Variants in FGF2 observed in about 807,000 individuals in gnomAD.
FGF2 encodes fibroblast growth factor 2.
FGF2 carries 13 observed loss-of-function variants against 15.9 expected under a neutral mutation model. The ratio of observed to expected loss-of-function variants is 0.82; its 90% CI spans 0.53 to 1.30. The LOEUF (loss-of-function observed/expected upper bound fraction) is 1.30. FGF2 is among the 50% of genes most tolerant of loss of function. The pLI, the probability that FGF2 is intolerant of heterozygous loss-of-function variation, is 0.00. For synonymous variants in FGF2, 90 were observed against 78.4 expected, an observed-to-expected ratio of 1.15 and a Z score of -0.78; for missense variants, 163 against 196.9, an observed-to-expected ratio of 0.83 and a Z score of 1.03.
intron 2 of FGF2, among the ~76,000 whole-genome samples, chr4:122,884,012 A>G (rs1030963808): frequency 8.5e-5 from 13 of 152,364 alleles, no homozygotes; most frequent in Admixed American, 5.9e-4. Context: ...TGAGAGCCCA[A>G]TTATCCAGAC....
intron 2 of FGF2, among the ~76,000 whole-genome samples, chr4:122,885,562 A>G (rs1727039310): frequency 6.6e-6 from 1 of 152,180 alleles, no homozygotes; most frequent in African/African-American, 2.4e-5. Flanking sequence ...TTACAATGGT[A>G]TTAGACTTAC....
intron 1 of FGF2, among the ~76,000 whole-genome samples, chr4:122,854,257 G>A (rs767987754): frequency 1.3e-5 from 2 of 152,134 alleles, no homozygotes; most frequent in Non-Finnish European, 2.9e-5. Context: ...GAGCATATTC[G>A]TTATTCACTG....
Position 122,876,233 on chromosome 4 carries a change from G to A in FGF2, c.179-88G>A, listed in dbSNP as rs1315046968. The A allele has an allele frequency of 1.5e-5, 12 of 817,776 alleles. No individual in the cohort carries two copies. The East Asian group carries it at 2.9e-4, about 20-fold the overall frequency. 50.7% of individuals were successfully genotyped at this position (817,776 alleles called of 1,614,324 possible). On this transcript the variant is annotated intron_variant, in intron 1 of 2. Coordinates refer to ENST00000644866, the MANE Select transcript of FGF2 (RefSeq NM_001361665.2). ...CCAAAGTGGATTAGTTGTTGCTTAGGTGTGTTTTGTCTTTATATTGCGTAA... is the reference window on the plus strand; with the variant it reads ...CCAAAGTGGATTAGTTGTTGCTTAGATGTGTTTTGTCTTTATATTGCGTAA...
intron 2 of FGF2, chr4:122,881,843 T>C: frequency 6.4e-6 from 1 of 156,326 alleles, no homozygotes; most frequent in Non-Finnish European, 1.4e-5. Flanking sequence ...ATTTTCATGC[T>C]GCTGATAAAA....
In FGF2 at chr4:122,876,438, C is replaced by T. The variant is rs1394997308; in HGVS notation, c.282+14C>T. The T allele has an allele frequency of 6.6e-7, 1 of 1,510,998 alleles. No homozygotes were observed. The allele number at this position is 1,510,998 out of a possible 1,614,324, so 93.6% of individuals were successfully genotyped here. A position where few individuals can be genotyped will look rare whatever the true frequency, so the allele number is the denominator to read the frequency against. On this transcript the variant is annotated intron_variant, in intron 2 of 2. Coordinates refer to ENST00000644866, the MANE Select transcript of FGF2 (RefSeq NM_001361665.2). ...TTACTGGCTTCTGTAAGCATACTTTCTGTTTTCACACGTTTTTTGTTAGCT... is the reference window on the plus strand; with the variant it reads ...TTACTGGCTTCTGTAAGCATACTTTTTGTTTTCACACGTTTTTTGTTAGCT...
In FGF2 at chr4:122,893,967, C is replaced by T. The variant is rs1159742459; in HGVS notation, c.*1571C>T. The T allele has an allele frequency of 6.6e-6, 1 of 152,180 alleles. No individual in the cohort carries two copies. Among genetic ancestry groups the T allele is most frequent in the Non-Finnish European group, 1.5e-5 (1 of 68,022 alleles). 9.4% of individuals were successfully genotyped at this position (152,180 alleles called of 1,614,324 possible). A position where few individuals can be genotyped will look rare whatever the true frequency, so the allele number is the denominator to read the frequency against. On this transcript the variant is annotated 3_prime_UTR_variant, in exon 3 of 3. Transcript: ENST00000644866. Reference sequence around the variant, plus strand: ...ATTTTTGTTCCAATACTCGTTTTGCCTCTATTTTTCTTGTTTGTCAAATAG... The same window carrying T: ...ATTTTTGTTCCAATACTCGTTTTGCTTCTATTTTTCTTGTTTGTCAAATAG...
intron 1 of FGF2, among the ~76,000 whole-genome samples, chr4:122,837,913 G>A (rs1246919446): frequency 2.6e-5 from 4 of 152,052 alleles, no homozygotes; most frequent in Admixed American, 1.3e-4. Flanking sequence ...TTTAAAAAAA[G>A]CTAAGTGAAA....
intron 1 of FGF2, among the ~76,000 whole-genome samples, chr4:122,874,253 G>A (rs9990554): frequency 0.14 from 21,244 of 152,200 alleles, 1,611 homozygotes; most frequent in Middle Eastern, 0.22. Flanking sequence ...GTTTGGTTAT[G>A]TTGATTAAAA....
intron 1 of FGF2, chr4:122,840,747 A>G (rs1006077769): frequency 6.6e-6 from 1 of 152,492 alleles, no homozygotes; most frequent in African/African-American, 2.4e-5. Context: ...AATAAAATGA[A>G]AATTGTATTT....
Position 122,893,189 on chromosome 4 carries a change from C to T in FGF2, c.*793C>T. On this transcript the variant is annotated 3_prime_UTR_variant, in exon 3 of 3. Transcript: ENST00000644866. ...GACGGACCTGAATTCTGATTTTATACCAGTCTCTTCAAAAACTTCTCGAAC... is the reference window on the plus strand; with the variant it reads ...GACGGACCTGAATTCTGATTTTATATCAGTCTCTTCAAAAACTTCTCGAAC... 9 of 1,612,146 alleles carry T rather than the reference C, an allele frequency of 5.6e-6. No homozygotes were observed. The highest frequency in any genetic ancestry group is 7.6e-6 in the Non-Finnish European group (9 of 1,178,982).
chr4:122,833,331 A>G (rs1725802087), intron 1 of FGF2, among the ~76,000 whole-genome samples: 1 of 152,208 alleles, frequency 6.6e-6, no homozygotes. Context: ...TAAAAATTGA[A>G]GAGAAGCTAT....
chr4:122,831,211 G>A (rs1158853835), intron 1 of FGF2, among the ~76,000 whole-genome samples: 1 of 152,192 alleles, frequency 6.6e-6, no homozygotes, highest in South Asian at 2.1e-4. Flanking sequence ...TTACCACCTG[G>A]TCCCTTGCCT....
At chr4:122,833,297 G>C (rs1268819556) in intron 1 of FGF2, among the ~76,000 whole-genome samples, 2 of 152,080 alleles carry the variant, frequency 1.3e-5, no homozygotes, top group Non-Finnish European at 1.5e-5. Flanking sequence ...AAAGTTCACA[G>C]ATTTTCAAGG....
In FGF2 at chr4:122,897,245, A is replaced by T. The variant is rs1460026519; in HGVS notation, c.*4849A>T. ...TAAAGGCTACTATTCATCCTCTGTGATGGAATGGTCAGGAATTTGTTTTCT... is the reference window on the plus strand; with the variant it reads ...TAAAGGCTACTATTCATCCTCTGTGTTGGAATGGTCAGGAATTTGTTTTCT... On this transcript the variant is annotated 3_prime_UTR_variant, in exon 3 of 3. Coordinates refer to ENST00000644866, the MANE Select transcript of FGF2 (RefSeq NM_001361665.2). 1 of 181,422 alleles carries T rather than the reference A, an allele frequency of 5.5e-6. No individual in the cohort carries two copies. 11.2% of individuals were successfully genotyped at this position (181,422 alleles called of 1,614,324 possible).
chr4:122,882,443 C>T (rs1162072601), intron 2 of FGF2: 3 of 152,328 alleles, frequency 2.0e-5, no homozygotes, highest in East Asian at 1.9e-4. Flanking sequence ...GCTTCCCAAA[C>T]TGTTGATTCT....
At chr4:122,861,053 T>TC (rs1219848705) in intron 1 of FGF2, among the ~76,000 whole-genome samples, 1 of 152,232 alleles carries the variant, frequency 6.6e-6, no homozygotes, top group Non-Finnish European at 1.5e-5. Context: ...TACTGACCAC[T>TC]CCATCCAGGC....
At chr4:122,832,053 C>T (rs1186343858) in intron 1 of FGF2, among the ~76,000 whole-genome samples, 1 of 152,000 alleles carries the variant, frequency 6.6e-6, no homozygotes, top group Non-Finnish European at 1.5e-5. Context: ...ATTTTAAAAC[C>T]ACGAGATGCC....
At chr4:122,857,311 T>C (rs1044625794) in intron 1 of FGF2, among the ~76,000 whole-genome samples, 1 of 152,184 alleles carries the variant, frequency 6.6e-6, no homozygotes, top group Admixed American at 6.5e-5. Context: ...CCTGTCAACT[T>C]GTGACTATTT....
chr4:122,856,591 A>C (rs1249441035), intron 1 of FGF2, among the ~76,000 whole-genome samples: 1 of 152,232 alleles, frequency 6.6e-6, no homozygotes, highest in Non-Finnish European at 1.5e-5. Context: ...CTAGAAGTAG[A>C]GACTTTGAAC....
Sources: allele counts gnomAD v4.1 joint callset (sites outside exome capture counted in the v4.1 genomes callset), GRCh38; gene constraint gnomAD v4.1.1; transcripts MANE v1.5; gene names NCBI Gene and HGNC (gene_info 2026-07-23, HGNC 2026-07-21).